EYS: variants seen among roughly 807,000 people sequenced by gnomAD.
The protein encoded by EYS is EGF-like photoreceptor maintenance factor, also known as protein eyes shut homolog.
A neutral mutation model predicts 282.1 loss-of-function variants in EYS; 250 were observed. The observed-to-expected ratio is 0.89, with a 90% CI of 0.80 to 0.98. The LOEUF is 0.98. Among genes scored for constraint, EYS ranks in the 50% least tolerant of loss-of-function variants. The pLI is 0.00. For missense variants in EYS, 4,016 were observed against 3,709.0 expected (o/e 1.08, Z -2.15); for synonymous variants, 1,355 against 1,282.9 (o/e 1.06, Z -1.20).
chr6:65,612,729 A>G (rs1404433302), intron 2 of EYS, among the ~76,000 whole-genome samples: 1 of 151,252 alleles, frequency 6.6e-6, no homozygotes, highest in Non-Finnish European at 1.5e-5. Context: ...TATTTTATAG[A>G]ATGTTATTAA....
intron 26 of EYS, among the ~76,000 whole-genome samples, chr6:64,535,664 G>C (rs1477454249): frequency 6.6e-6 from 1 of 151,938 alleles, no homozygotes; most frequent in African/African-American, 2.4e-5. Flanking sequence ...TGTTGAGCCT[G>C]GGAGGTCGAG....
chr6:65,396,705 A>C (rs1766291353), intron 7 of EYS, among the ~76,000 whole-genome samples: 1 of 152,216 alleles, frequency 6.6e-6, no homozygotes, highest in East Asian at 1.9e-4. Flanking sequence ...ATGCTGTAGC[A>C]TATCAGTAAT....
At chr6:65,634,290 T>A (rs552682522) in intron 2 of EYS, among the ~76,000 whole-genome samples, 10 of 152,284 alleles carry the variant, frequency 6.6e-5, no homozygotes, top group Admixed American at 5.9e-4. Context: ...TATAAAGGAT[T>A]CTCTACATAT....
Position 63,930,821 on chromosome 6 carries a change from T to C in EYS, c.7055+53562A>G, listed in dbSNP as rs147689748. On this transcript the variant is annotated intron_variant, in intron 35 of 42. Transcript: ENST00000503581. ...ATTAATGAGGCCGTGTTTCCAAACC[T>C]TGCAACCCACCCCTTTATCCTAGTC... Among the ~76,000 whole-genome samples, 48 of 151,922 alleles carry C rather than the reference T, an allele frequency of 3.2e-4. 1 individual carries two copies. In the East Asian group the frequency reaches 9.0e-3, roughly 29 times the overall value.
chr6:64,768,174 T>C (rs564584659), intron 22 of EYS, among the ~76,000 whole-genome samples: 49 of 152,278 alleles, frequency 3.2e-4, no homozygotes, highest in Non-Finnish European at 5.7e-4. Flanking sequence ...TTGATTCATG[T>C]ATTTCAATAT....
At chr6:65,503,775 G>C (rs1035548837) in intron 2 of EYS, among the ~76,000 whole-genome samples, 3 of 151,604 alleles carry the variant, frequency 2.0e-5, no homozygotes, top group Admixed American at 1.3e-4. Context: ...ACATTTGTGT[G>C]GGTCTATGTT....
chr6:64,883,111 C>T (rs1420446885), intron 19 of EYS, among the ~76,000 whole-genome samples: 1 of 147,110 alleles, frequency 6.8e-6, no homozygotes, highest in East Asian at 2.4e-4. Flanking sequence ...GATCAATTGT[C>T]CATATTTTCC....
At chr6:64,501,708 T>C (rs143919950) in intron 26 of EYS, among the ~76,000 whole-genome samples, 1 of 152,290 alleles carries the variant, frequency 6.6e-6, no homozygotes, top group East Asian at 1.9e-4. Flanking sequence ...ATAAGTATCA[T>C]TAGTCACTAA....
chr6:65,452,007 GAGA>G (rs1284322420), intron 5 of EYS, among the ~76,000 whole-genome samples: 2 of 151,576 alleles, frequency 1.3e-5, no homozygotes, highest in Non-Finnish European at 3.0e-5. Flanking sequence ...TAGAAACTTT[GAGA>G]AGTTTTACTA....
chr6:64,404,989 A>AT (rs1175921373), intron 28 of EYS, among the ~76,000 whole-genome samples: 7 of 151,886 alleles, frequency 4.6e-5, no homozygotes, highest in African/African-American at 1.5e-4. Context: ...ATTTTATTTT[A>AT]TTTATTTTAA....
intron 33 of EYS, among the ~76,000 whole-genome samples, chr6:64,061,613 CAG>C (rs138820901): frequency 0.032 from 4,845 of 152,210 alleles, 254 homozygotes; most frequent in African/African-American, 0.11. Flanking sequence ...TGGCTAATAA[CAG>C]AATAAAAAAT....
At chr6:65,693,564 T>A (rs929738728) in intron 1 of EYS, among the ~76,000 whole-genome samples, 5 of 149,744 alleles carry the variant, frequency 3.3e-5, no homozygotes, top group African/African-American at 1.2e-4. Flanking sequence ...AAAAAACCTA[T>A]TTTACAATAA....
chr6:65,228,013 C>T (rs936340983), intron 12 of EYS, among the ~76,000 whole-genome samples: 11 of 151,830 alleles, frequency 7.2e-5, no homozygotes, highest in African/African-American at 2.4e-4. Flanking sequence ...CACATAACAA[C>T]GTGAATATAT....
At chr6:64,965,545 G>A (rs1770064892) in intron 14 of EYS, among the ~76,000 whole-genome samples, 1 of 151,654 alleles carries the variant, frequency 6.6e-6, no homozygotes, top group Admixed American at 6.6e-5. Context: ...TTATAAATGA[G>A]GAAAGCAAAA....
chr6:64,537,077 T>C (rs1764539385), intron 26 of EYS, among the ~76,000 whole-genome samples: 2 of 151,432 alleles, frequency 1.3e-5, no homozygotes, highest in Non-Finnish European at 2.9e-5. Flanking sequence ...TACATATGTA[T>C]ACATGTGCCA....
At chr6:64,895,829 T>C (rs1767442635) in intron 18 of EYS, among the ~76,000 whole-genome samples, 1 of 152,112 alleles carries the variant, frequency 6.6e-6, no homozygotes, top group Non-Finnish European at 1.5e-5. Flanking sequence ...ACATACAATA[T>C]ACCTGATGCA....
At chr6:64,908,025 A>C (rs1767883713) in intron 16 of EYS, among the ~76,000 whole-genome samples, 1 of 152,192 alleles carries the variant, frequency 6.6e-6, no homozygotes, top group Non-Finnish European at 1.5e-5. Flanking sequence ...GCGAAACATA[A>C]CTAAAAGTTG....
At chr6:65,109,160 T>G (rs1026293436) in intron 12 of EYS, among the ~76,000 whole-genome samples, 4 of 152,044 alleles carry the variant, frequency 2.6e-5, no homozygotes, top group Non-Finnish European at 4.4e-5. Flanking sequence ...ATTTTTATTT[T>G]TTTCTTTGAT....
intron 2 of EYS, among the ~76,000 whole-genome samples, chr6:65,578,253 A>T (rs1764745897): frequency 1.3e-5 from 2 of 151,760 alleles, no homozygotes; most frequent in Non-Finnish European, 2.9e-5. Flanking sequence ...GCCTTTAAAA[A>T]GAAGGAAGTC....
Sources: gnomAD v4.1 joint callset for allele counts (sites outside exome capture counted in the v4.1 genomes callset) on GRCh38, gnomAD v4.1.1 for gene constraint, MANE v1.5 for transcripts, NCBI Gene and HGNC (gene_info 2026-07-23, HGNC 2026-07-21) for gene names.